Variants in PPM1H observed in about 807,000 individuals in gnomAD.
The protein encoded by PPM1H is protein phosphatase, Mg2+/Mn2+ dependent 1H.
Under a neutral mutation model 54.9 loss-of-function variants are expected in PPM1H, and 27 were observed. That is an observed-to-expected ratio of 0.49 (90% confidence interval 0.36 to 0.68). PPM1H has a LOEUF of 0.68. Ranked by LOEUF, PPM1H falls within the 30% of genes least tolerant of loss-of-function variation. The pLI is 0.00. For missense variants in PPM1H, 596 were observed against 667.8 expected, an observed-to-expected ratio of 0.89 and a Z score of 1.19; for synonymous variants, 305 against 270.8, an observed-to-expected ratio of 1.13 and a Z score of -1.24.
chr12:62,817,641 C>T (rs983903136), intron 2 of PPM1H, among the ~76,000 whole-genome samples: 2 of 152,014 alleles, frequency 1.3e-5, no homozygotes, highest in African/African-American at 2.4e-5. Flanking sequence ...CTGATGAGGG[C>T]GAAATATTCC....
At position 62,647,091 on chromosome 12, in the gene PPM1H, A is replaced by G. The variant is rs2075790037; in HGVS notation, c.*1398T>C. The stretch of plus-strand genomic sequence containing the variant: ...GGCCGTACAAGTCTGCCTAAGAGAC[A>G]GAAGTGAGTTTTATAATCTACTTGG... On this transcript the variant is annotated 3_prime_UTR_variant, in exon 10 of 10. Transcript: ENST00000228705. The G allele has an allele frequency of 6.6e-6, 1 of 152,258 alleles. No homozygotes were observed. The highest frequency in any genetic ancestry group is 1.5e-5 in the Non-Finnish European group (1 of 68,058). 9.4% of individuals were successfully genotyped at this position (152,258 alleles called of 1,614,324 possible). A position where few individuals can be genotyped will look rare whatever the true frequency, so the allele number is the denominator to read the frequency against.
chr12:62,797,098 G>A (rs1385835107), intron 3 of PPM1H, among the ~76,000 whole-genome samples: 1 of 152,146 alleles, frequency 6.6e-6, no homozygotes, highest in Admixed American at 6.5e-5. Flanking sequence ...TGAGGGACAA[G>A]ACAAACAGAT....
At position 62,867,220 on chromosome 12, in the gene PPM1H, T is replaced by C. The variant is rs535556445; in HGVS notation, c.246-34941A>G. Among the ~76,000 whole-genome samples the C allele has an allele frequency of 2.6e-5, 4 of 152,332 alleles. No individual in the cohort carries two copies. In the South Asian group the frequency reaches 8.3e-4, roughly 32 times the overall value. On this transcript the variant is annotated intron_variant, in intron 1 of 9. Coordinates refer to ENST00000228705, the MANE Select transcript of PPM1H (RefSeq NM_020700.2). ...GGCTGACACTTTCATCTGTCTGTGC[T>C]AATCTAATGCTAAGTCATAGCTTCA...
intron 6 of PPM1H, among the ~76,000 whole-genome samples, chr12:62,702,676 A>G (rs1335409241): frequency 6.6e-6 from 1 of 152,220 alleles, no homozygotes; most frequent in Non-Finnish European, 1.5e-5. Context: ...CGGGGGGTAT[A>G]ACAGGGGACC....
chr12:62,794,737 C>T lies in PPM1H; in HGVS notation c.757-6399G>A, dbSNP rs368575817. ...GAGTCTGAAATGTTGATTATTCAACCATGTTTTTGGGAGGGTGGAGAAGTA... is the reference window on the plus strand; with the variant it reads ...GAGTCTGAAATGTTGATTATTCAACTATGTTTTTGGGAGGGTGGAGAAGTA... On this transcript the variant is annotated intron_variant, in intron 3 of 9. Transcript: ENST00000228705. Among the ~76,000 whole-genome samples, 3 of 152,104 alleles carry T rather than the reference C, an allele frequency of 2.0e-5. No homozygotes were observed. In the East Asian group the frequency reaches 5.8e-4, roughly 29 times the overall value.
chr12:62,727,071 T>C (rs1390692628), intron 5 of PPM1H, among the ~76,000 whole-genome samples: 2 of 152,122 alleles, frequency 1.3e-5, no homozygotes, highest in Admixed American at 1.3e-4. Flanking sequence ...CCCGCTACCA[T>C]GCCCAGCAAA....
intron 4 of PPM1H, chr12:62,755,259 T>A: frequency 1.4e-6 from 1 of 735,984 alleles, no homozygotes; most frequent in South Asian, 1.3e-5. Flanking sequence ...ATGGATTTGG[T>A]TGTATTGGGT....
chr12:62,808,430 T>G (rs1168206137), intron 2 of PPM1H, among the ~76,000 whole-genome samples: 1 of 152,136 alleles, frequency 6.6e-6, no homozygotes, highest in African/African-American at 2.4e-5. Context: ...CATAGTCCAT[T>G]TTTCTACTCT....
At chr12:62,723,961 C>T (rs2076276691) in intron 5 of PPM1H, among the ~76,000 whole-genome samples, 2 of 152,130 alleles carry the variant, frequency 1.3e-5, no homozygotes, top group Admixed American at 6.5e-5. Context: ...TCCTCTAAAG[C>T]AAGCCATGAG....
chr12:62,799,601 C>T (rs546068681), intron 3 of PPM1H, among the ~76,000 whole-genome samples: 9 of 152,202 alleles, frequency 5.9e-5, no homozygotes, highest in African/African-American at 2.4e-5. Context: ...TTTTACACCA[C>T]GACTGAGTGG....
intron 1 of PPM1H, among the ~76,000 whole-genome samples, chr12:62,908,582 A>C (rs2121133735): frequency 6.6e-6 from 1 of 152,324 alleles, no homozygotes; most frequent in African/African-American, 2.4e-5. Flanking sequence ...CATAAGGTTG[A>C]GTAGAAGTCC....
intron 6 of PPM1H, among the ~76,000 whole-genome samples, chr12:62,694,247 A>C (rs555853659): frequency 2.0e-5 from 3 of 152,262 alleles, no homozygotes; most frequent in African/African-American, 7.2e-5. Context: ...TAATTAGCAA[A>C]AAGGGGAGAT....
At chr12:62,816,826 G>C (rs538968779) in intron 2 of PPM1H, among the ~76,000 whole-genome samples, 11 of 151,672 alleles carry the variant, frequency 7.3e-5, no homozygotes, top group Non-Finnish European at 1.3e-4. Flanking sequence ...CAGATTATAA[G>C]TGAAGCAAGA....
At chr12:62,883,322 C>G (rs1448155945) in intron 1 of PPM1H, among the ~76,000 whole-genome samples, 1 of 152,098 alleles carries the variant, frequency 6.6e-6, no homozygotes, top group African/African-American at 2.4e-5. Flanking sequence ...GGACTCCCAG[C>G]TGAACCAGTA....
chr12:62,702,523 C>T (rs1346814477), intron 6 of PPM1H, among the ~76,000 whole-genome samples: 1 of 145,000 alleles, frequency 6.9e-6, no homozygotes, highest in Non-Finnish European at 1.5e-5. Flanking sequence ...CCCTTCTCTT[C>T]TAAGTCATGA....
intron 1 of PPM1H, among the ~76,000 whole-genome samples, chr12:62,833,388 G>C (rs1247578181): frequency 1.3e-5 from 2 of 152,012 alleles, no homozygotes; most frequent in Admixed American, 1.3e-4. Flanking sequence ...ATAATTATAG[G>C]CTCAGAGTAA....
intron 1 of PPM1H, among the ~76,000 whole-genome samples, chr12:62,883,522 C>A (rs916925339): frequency 1.3e-5 from 2 of 152,166 alleles, no homozygotes; most frequent in Non-Finnish European, 2.9e-5. Context: ...TATAAATATT[C>A]ATGACCCTTG....
chr12:62,781,116 C>T (rs1041263437), intron 4 of PPM1H, among the ~76,000 whole-genome samples: 12 of 152,182 alleles, frequency 7.9e-5, no homozygotes, highest in Non-Finnish European at 2.9e-5. Flanking sequence ...TGACCCATTC[C>T]AGACAAGGGA....
At chr12:62,729,889 T>C (rs542354657) in intron 5 of PPM1H, among the ~76,000 whole-genome samples, 41 of 152,332 alleles carry the variant, frequency 2.7e-4, no homozygotes, top group Non-Finnish European at 5.4e-4. Context: ...ATATCCCCTG[T>C]GACCTGCACG....
Sources: gnomAD v4.1 joint callset for allele counts (sites outside exome capture counted in the v4.1 genomes callset) on GRCh38, gnomAD v4.1.1 for gene constraint, MANE v1.5 for transcripts, NCBI Gene and HGNC (gene_info 2026-07-23, HGNC 2026-07-21) for gene names.